DHRS2: variants seen among roughly 807,000 people sequenced by gnomAD.
The protein encoded by DHRS2 is dehydrogenase/reductase 2.
Under a neutral mutation model 26.3 loss-of-function variants are expected in DHRS2, and 29 were observed. The ratio of observed to expected loss-of-function variants is 1.10; its 90% confidence interval spans 0.82 to 1.50. The LOEUF is 1.50. Among genes scored for constraint, DHRS2 ranks in the 40% most tolerant of loss-of-function variants. The pLI, the probability that DHRS2 is intolerant of heterozygous loss-of-function variation, is 0.00. For missense variants in DHRS2, 439 were observed against 367.1 expected, an observed-to-expected ratio of 1.20 and a Z score of -1.60; for synonymous variants, 164 against 151.3, an observed-to-expected ratio of 1.08 and a Z score of -0.62.
In DHRS2 at chr14:23,639,245, G is replaced by T; in HGVS notation, c.207G>T (p.Lys69Asn). 1 of 1,613,846 alleles carries T rather than the reference G, an allele frequency of 6.2e-7. No individual in the cohort carries two copies. Among genetic ancestry groups the T allele is most frequent in the Non-Finnish European group, 8.5e-7 (1 of 1,179,902 alleles). Residue 69 changes from lysine to asparagine, a missense_variant, in exon 3 of 9, where the codon AAG (lysine) becomes AAT (asparagine). Coordinates refer to ENST00000250383, the MANE Select transcript of DHRS2 (RefSeq NM_005794.4). Reference sequence around the variant, plus strand: ...CCCACGTGGTCATCAGCAGCCGGAAGCAGCAGAACGTGGACCGGGCCATGG... The same window carrying T: ...CCCACGTGGTCATCAGCAGCCGGAATCAGCAGAACGTGGACCGGGCCATGG... ...DGAHVVISSR[K>N]QQNVDRAMAK...
chr14:23,644,088 C>T (rs760796547), intron 5 of DHRS2, 23 bp from the exon 6 acceptor site: 2 of 1,613,480 alleles, frequency 1.2e-6, no homozygotes, highest in Non-Finnish European at 1.7e-6. Flanking sequence ...GCTTCAGCTT[C>T]TCTTATGTTT....
upstream of DHRS2, among the ~76,000 whole-genome samples, chr14:23,635,188 G>A (rs144338687): frequency 7.8e-3 from 1,189 of 151,872 alleles, 7 homozygotes; most frequent in Non-Finnish European, 0.013. Context: ...TTAGTCTCCC[G>A]AGTAGCTGTG....
At chr14:23,643,048 A>T (rs797007940) in intron 4 of DHRS2, 104 bp from the exon 5 acceptor site, 62 of 1,096,910 alleles carry the variant, frequency 5.7e-5, no homozygotes, top group Non-Finnish European at 7.3e-5. Flanking sequence ...ATGCACATAC[A>T]TTGGGTCTAC....
rs375471489 is a variant in DHRS2 at position 23,639,911 on chromosome 14, T to C, written c.420+16T>C. The C allele has an allele frequency of 4.4e-5, 68 of 1,558,906 alleles. No individual in the cohort carries two copies. In the African/African-American group the frequency reaches 8.2e-4, roughly 19 times the overall value. On this transcript the variant is annotated intron_variant, in intron 4 of 8. Transcript: ENST00000250383. ...CTGGGACAAGGTGAGAGGCCTCCCC[T>C]GGGGAGGCGGCTGAGGGCCCGATTC...
At chr14:23,641,586 GA>G (rs1890670985) in intron 4 of DHRS2, 3 of 1,286,566 alleles carry the variant, frequency 2.3e-6, no homozygotes, top group Admixed American at 2.3e-5. Flanking sequence ...GTATTGGACA[GA>G]TATCCTGTGG....
chr14:23,644,661 C>T (rs1890803633), intron 7 of DHRS2, 118 bp downstream of exon 7: 3 of 1,532,518 alleles, frequency 2.0e-6, no homozygotes, highest in Middle Eastern at 1.8e-4. Context: ...CTGAGGTCCT[C>T]ATTGTTCTCT....
chr14:23,638,367 G>T (rs951850411), intron 1 of DHRS2: 3 of 182,014 alleles, frequency 1.6e-5, no homozygotes, highest in African/African-American at 2.4e-5. Flanking sequence ...TGAAGTCAGC[G>T]AGACCAAGAA....
rs191176816 is a variant in DHRS2 at position 23,643,231 on chromosome 14, C to G, written c.488+12C>G. The G allele has an allele frequency of 6.2e-7, 1 of 1,613,006 alleles. No homozygotes were observed. On this transcript the variant is annotated intron_variant, in intron 5 of 8. Transcript: ENST00000250383. ...TACATGGAGAACAGGTATGGCAGGGCGGGGGTGGGGACCAGTCGGAGTTGG... is the reference window on the plus strand; with the variant it reads ...TACATGGAGAACAGGTATGGCAGGGGGGGGGTGGGGACCAGTCGGAGTTGG...
In DHRS2 at chr14:23,645,381, T is replaced by A; in HGVS notation, c.*128T>A. ...GACTAGCAATTTGGGGGCTTACTCA[T>A]GCTAGGCTTGAGGAAGAAGAAAAAC... On this transcript the variant is annotated 3_prime_UTR_variant, in exon 9 of 9. Coordinates refer to ENST00000250383, the MANE Select transcript of DHRS2 (RefSeq NM_005794.4). 1 of 1,567,380 alleles carries A rather than the reference T, an allele frequency of 6.4e-7. No individual in the cohort carries two copies. Among genetic ancestry groups the A allele is most frequent in the Non-Finnish European group, 8.6e-7 (1 of 1,157,604 alleles).
At position 23,645,279 on chromosome 14, in the gene DHRS2, G is replaced by A; in HGVS notation, c.*26G>A. 2 of 1,613,876 alleles carry A rather than the reference G, an allele frequency of 1.2e-6. No homozygotes were observed. Among genetic ancestry groups the A allele is most frequent in the Non-Finnish European group, 1.7e-6 (2 of 1,180,048 alleles). ...GAGGAGTGGGGGCGGCTGCGTAGCT[G>A]TGGTCCCAGGCCCAGGAGCCTGAGG... is the stretch of plus-strand genomic sequence containing the variant. On this transcript the variant is annotated 3_prime_UTR_variant, in exon 9 of 9. Transcript: ENST00000250383.
chr14:23,630,627 G>T (rs998002186), intron 1 of DHRS2, among the ~76,000 whole-genome samples: 1 of 152,214 alleles, frequency 6.6e-6, no homozygotes, highest in Non-Finnish European at 1.5e-5. Flanking sequence ...CAAATGTGAG[G>T]ACCATGACCC....
chr14:23,645,287 A>G lies in DHRS2; in HGVS notation c.*34A>G, dbSNP rs772141976. ...GGGGCGGCTGCGTAGCTGTGGTCCC[A>G]GGCCCAGGAGCCTGAGGGGGTGTCT... is the stretch of plus-strand genomic sequence containing the variant. On this transcript the variant is annotated 3_prime_UTR_variant, in exon 9 of 9. Transcript: ENST00000250383. The G allele has an allele frequency of 3.1e-6, 5 of 1,613,650 alleles. No individual in the cohort carries two copies. The highest frequency in any genetic ancestry group is 4.2e-6 in the Non-Finnish European group (5 of 1,180,038).
intron 7 of DHRS2, 123 bp from the exon 8 acceptor site, chr14:23,644,704 A>C: frequency 6.7e-7 from 1 of 1,491,508 alleles, no homozygotes; most frequent in South Asian, 1.2e-5. Context: ...ATCCATCCTG[A>C]AAAGATGCTC....
In DHRS2 at chr14:23,637,433, C is replaced by G. The variant is rs146144241; in HGVS notation, c.-39+661C>G. Among the ~76,000 whole-genome samples, 909 of 152,266 alleles carry G rather than the reference C, an allele frequency of 6.0e-3. 17 individuals carry two copies. Among genetic ancestry groups the G allele is most frequent in the African/African-American group, 0.02 (846 of 41,550 alleles). On this transcript the variant is annotated intron_variant, in intron 1 of 8. Coordinates refer to ENST00000250383, the MANE Select transcript of DHRS2 (RefSeq NM_005794.4). ...GGTCTAACAAAAGCTATTCCTGAAGCTAGGATAGGGGGAGCCTCAGAAATT... is the reference window on the plus strand; with the variant it reads ...GGTCTAACAAAAGCTATTCCTGAAGGTAGGATAGGGGGAGCCTCAGAAATT...
chr14:23,639,642 G>A, intron 3 of DHRS2, 152 bp from the exon 4 acceptor site: 1 of 882,870 alleles, frequency 1.1e-6, no homozygotes, highest in Non-Finnish European at 1.6e-6. Flanking sequence ...CTCTCTCAGT[G>A]CCTGGCCCCA....
At chr14:23,640,553 A>C in intron 4 of DHRS2, 9 of 524,812 alleles carry the variant, frequency 1.7e-5, no homozygotes, top group Middle Eastern at 9.9e-4. Context: ...CTTCACTCTC[A>C]TGTTTTGTTT....
Position 23,645,616 on chromosome 14 carries a change from A to G in DHRS2, c.*363A>G. 1 of 284,092 alleles carries G rather than the reference A, an allele frequency of 3.5e-6. No individual in the cohort carries two copies. The highest frequency in any genetic ancestry group is 4.7e-5 in the Admixed American group (1 of 21,216). 17.6% of individuals were successfully genotyped at this position (284,092 alleles called of 1,614,324 possible). On this transcript the variant is annotated 3_prime_UTR_variant, in exon 9 of 9. Transcript: ENST00000250383. Reference sequence around the variant, plus strand: ...TGTGCTTTAAGCATTTTTTTTCCTAAAATAAACTCAAATTTATCCTCAAGT... The same window carrying G: ...TGTGCTTTAAGCATTTTTTTTCCTAGAATAAACTCAAATTTATCCTCAAGT...
rs369479721 is a variant in DHRS2 at position 23,645,173 on chromosome 14, G to A, written c.763G>A (p.Val255Met). 37 of 1,613,996 alleles carry A rather than the reference G, an allele frequency of 2.3e-5. No individual in the cohort carries two copies. The East Asian group carries it at 2.5e-4, about 11-fold the overall frequency. Residue 255 changes from valine (V) to methionine (M), a missense_variant, in exon 9 of 9, where the codon GTG becomes ATG. Physicochemically the swap from Val to Met is conservative, Grantham distance 21. Transcript: ENST00000250383. ...IGESEDCAGI[V>M]SFLCSPDASY... ...GGAGTCAGAGGACTGTGCAGGAATC[G>A]TGTCCTTCCTGTGCTCTCCAGATGC... is the stretch of plus-strand genomic sequence containing the variant.
chr14:23,640,059 C>T lies in DHRS2; in HGVS notation c.420+164C>T, dbSNP rs17095372. The T allele has an allele frequency of 3.0e-5, 21 of 704,658 alleles. No homozygotes were observed. The Admixed American group carries it at 3.9e-4, about 13-fold the overall frequency. 43.7% of individuals were successfully genotyped at this position (704,658 alleles called of 1,614,324 possible). ...GGCCAGCTGTCTCCCAAAATGTGCC[C>T]GGATGCTACTTTCTGGCTTGTTGGT... On this transcript the variant is annotated intron_variant, in intron 4 of 8. Coordinates refer to ENST00000250383, the MANE Select transcript of DHRS2 (RefSeq NM_005794.4).
Sources: allele counts gnomAD v4.1 joint callset (sites outside exome capture counted in the v4.1 genomes callset), GRCh38; gene constraint gnomAD v4.1.1; transcripts MANE v1.5; gene names NCBI Gene and HGNC (gene_info 2026-07-23, HGNC 2026-07-21).